The following SLC4A10 variants were observed in gnomAD, a reference collection of about 807,000 sequenced individuals.
SLC4A10 encodes solute carrier family 4 member 10, also known as sodium-driven chloride bicarbonate exchanger.
A neutral mutation model predicts 137.7 loss-of-function variants in SLC4A10; 42 were observed. That is an observed-to-expected ratio of 0.30 (90% CI 0.24 to 0.39). The LOEUF (loss-of-function observed/expected upper bound fraction) is 0.39, where lower values mean the gene tolerates loss of function less well. Ranked by LOEUF, SLC4A10 falls within the 10% of genes least tolerant of loss-of-function variation. The pLI, the probability that SLC4A10 is intolerant of heterozygous loss-of-function variation, is 1.00. For missense variants in SLC4A10, 925 were observed against 1,355.0 expected (o/e 0.68, Z 4.98); for synonymous variants, 474 against 464.1 (o/e 1.02, Z -0.27).
At chr2:161,667,180 G>T (rs2105757933) in intron 1 of SLC4A10, among the ~76,000 whole-genome samples, 1 of 151,662 alleles carries the variant, frequency 6.6e-6, no homozygotes, top group African/African-American at 2.4e-5. Flanking sequence ...CTGGGTTTGG[G>T]TTCTATTTCT....
intron 23 of SLC4A10, among the ~76,000 whole-genome samples, chr2:161,973,079 G>A (rs1319108059): frequency 1.3e-5 from 2 of 152,106 alleles, no homozygotes; most frequent in Admixed American, 1.3e-4. Context: ...CCGGAAGCTG[G>A]GTCAGGCCAG....
intron 2 of SLC4A10, among the ~76,000 whole-genome samples, chr2:161,789,707 A>C (rs1290890894): frequency 6.6e-6 from 1 of 152,202 alleles, no homozygotes; most frequent in Admixed American, 6.5e-5. Flanking sequence ...CAAATTGCGA[A>C]TAGAATTAGA....
chr2:161,899,489 G>A (rs2105284723), intron 11 of SLC4A10, among the ~76,000 whole-genome samples: 1 of 152,146 alleles, frequency 6.6e-6, no homozygotes, highest in South Asian at 2.1e-4. Flanking sequence ...AAGTCCCATG[G>A]TCAATTCTCA....
intron 1 of SLC4A10, among the ~76,000 whole-genome samples, chr2:161,724,380 A>G (rs990125786): frequency 3.3e-5 from 5 of 152,170 alleles, no homozygotes; most frequent in Admixed American, 1.3e-4. Context: ...CACATCCCAA[A>G]TATACCCTTC....
At chr2:161,720,479 C>G (rs2045530306) in intron 1 of SLC4A10, among the ~76,000 whole-genome samples, 1 of 152,090 alleles carries the variant, frequency 6.6e-6, no homozygotes, top group South Asian at 2.1e-4. Flanking sequence ...CTATAAATTA[C>G]CTTGTATCTC....
intron 1 of SLC4A10, among the ~76,000 whole-genome samples, chr2:161,699,196 T>G (rs1249480166): frequency 6.6e-6 from 1 of 151,974 alleles, no homozygotes; most frequent in Non-Finnish European, 1.5e-5. Context: ...TTTTTTGTAT[T>G]TTTTTAGTAG....
intron 12 of SLC4A10, 85 bp downstream of exon 12, chr2:161,901,096 A>AT (rs1291760819): frequency 7.1e-6 from 7 of 986,014 alleles, no homozygotes; most frequent in Non-Finnish European, 1.1e-5. Context: ...TTGGGATCTA[A>AT]TTTATTGTAT....
At chr2:161,804,409 T>A (rs764083254) in intron 2 of SLC4A10, 40 bp from the exon 3 acceptor site, 1 of 1,593,140 alleles carries the variant, frequency 6.3e-7, no homozygotes, top group Non-Finnish European at 8.6e-7. Flanking sequence ...TGCCCTGGAA[T>A]AATTCAGAGT....
At chr2:161,745,771 C>G (rs2048328340) in intron 1 of SLC4A10, among the ~76,000 whole-genome samples, 1 of 152,050 alleles carries the variant, frequency 6.6e-6, no homozygotes, top group African/African-American at 2.4e-5. Context: ...ATTGCTGTAG[C>G]CATATCTGCA....
Position 161,822,345 on chromosome 2 carries a change from G to T in SLC4A10, c.278-17444G>T, listed in dbSNP as rs1231842343. Among the ~76,000 whole-genome samples, 3 of 152,182 alleles carry T rather than the reference G, an allele frequency of 2.0e-5. No individual in the cohort carries two copies. The East Asian group carries it at 5.8e-4, about 29-fold the overall frequency. On this transcript the variant is annotated intron_variant, in intron 3 of 26. Coordinates refer to ENST00000446997, the MANE Select transcript of SLC4A10 (RefSeq NM_001178015.2). ...CTAATACCAATGTGGAAGCATGGCT[G>T]CTATGAGATGTGACCTCTGAGAAGT...
At chr2:161,964,379 A>C in intron 22 of SLC4A10, 71 bp downstream of exon 22, 2 of 1,467,194 alleles carry the variant, frequency 1.4e-6, no homozygotes, top group Non-Finnish European at 1.9e-6. Context: ...TAAACACATG[A>C]ATTGAAACTG....
At chr2:161,850,216 C>T (rs1332152282) in intron 4 of SLC4A10, among the ~76,000 whole-genome samples, 1 of 151,830 alleles carries the variant, frequency 6.6e-6, no homozygotes, top group Non-Finnish European at 1.5e-5. Flanking sequence ...ATGGCAAAAC[C>T]CTGTCTCTAC....
intron 2 of SLC4A10, among the ~76,000 whole-genome samples, chr2:161,774,273 T>G (rs1352120864): frequency 6.6e-6 from 1 of 151,892 alleles, no homozygotes; most frequent in African/African-American, 2.4e-5. Context: ...TTAAAATTAT[T>G]TCTTCTACTT....
intron 21 of SLC4A10, 76 bp from the exon 22 acceptor site, chr2:161,964,059 C>A: frequency 7.7e-7 from 1 of 1,302,654 alleles, no homozygotes; most frequent in South Asian, 1.5e-5. Flanking sequence ...AATTGTGGAC[C>A]ATATTAAACA....
At chr2:161,879,718 G>T (rs750736735) in intron 9 of SLC4A10, among the ~76,000 whole-genome samples, 2 of 151,920 alleles carry the variant, frequency 1.3e-5, no homozygotes, top group African/African-American at 2.4e-5. Context: ...GAATAAGAAG[G>T]CCTTCAAAAT....
intron 10 of SLC4A10, among the ~76,000 whole-genome samples, chr2:161,886,416 C>A (rs1313120422): frequency 1.3e-5 from 2 of 152,216 alleles, no homozygotes; most frequent in East Asian, 1.9e-4. Flanking sequence ...TTGGTTCAAT[C>A]TGAATCTTGA....
At chr2:161,688,935 G>T (rs1339289970) in intron 1 of SLC4A10, among the ~76,000 whole-genome samples, 1 of 151,778 alleles carries the variant, frequency 6.6e-6, no homozygotes, top group African/African-American at 2.4e-5. Flanking sequence ...ACCCTGTGTT[G>T]GCCTAGGCTA....
At chr2:161,653,738 A>C (rs1036487511) in intron 1 of SLC4A10, among the ~76,000 whole-genome samples, 1 of 152,196 alleles carries the variant, frequency 6.6e-6, no homozygotes, top group Non-Finnish European at 1.5e-5. Flanking sequence ...CTTTTTAAAG[A>C]CTGAGTATTT....
intron 1 of SLC4A10, among the ~76,000 whole-genome samples, chr2:161,769,449 G>C (rs1356574284): frequency 2.0e-5 from 3 of 152,000 alleles, no homozygotes; most frequent in African/African-American, 2.4e-5. Context: ...ATATGCAGTG[G>C]GGGGTAAGCT....
Sources: gnomAD v4.1 joint callset for allele counts (sites outside exome capture counted in the v4.1 genomes callset) on GRCh38, gnomAD v4.1.1 for gene constraint, MANE v1.5 for transcripts, NCBI Gene and HGNC (gene_info 2026-07-23, HGNC 2026-07-21) for gene names.